The following NALCN variants were observed in gnomAD, a reference collection of about 807,000 sequenced individuals.
NALCN encodes sodium leak channel NALCN.
In NALCN, 111 loss-of-function variants were observed where a neutral mutation model predicts 225.3. That is an observed-to-expected ratio of 0.49 (90% CI 0.42 to 0.58). The LOEUF (loss-of-function observed/expected upper bound fraction) is 0.58. Among genes scored for constraint, NALCN ranks in the 20% least tolerant of loss-of-function variants. The pLI, the probability that NALCN is intolerant of heterozygous loss-of-function variation, is 0.00. For missense variants in NALCN, 1,378 were observed against 2,202.4 expected, an observed-to-expected ratio of 0.63 and a Z score of 7.49; for synonymous variants, 764 against 769.0, an observed-to-expected ratio of 0.99 and a Z score of 0.11.
At chr13:101,397,450 T>C (rs1361801920) in intron 2 of NALCN, among the ~76,000 whole-genome samples, 1 of 150,966 alleles carries the variant, frequency 6.6e-6, no homozygotes, top group South Asian at 2.1e-4. Flanking sequence ...CATGCACATA[T>C]AAATATATGT....
At chr13:101,408,594 G>C (rs928817634) in intron 1 of NALCN, among the ~76,000 whole-genome samples, 52 of 152,192 alleles carry the variant, frequency 3.4e-4, no homozygotes, top group Non-Finnish European at 3.4e-4. Context: ...TGTTGTGGTT[G>C]ATTTTCAATC....
At chr13:101,205,706 T>A (rs2040286027) in intron 13 of NALCN, among the ~76,000 whole-genome samples, 1 of 152,154 alleles carries the variant, frequency 6.6e-6, no homozygotes, top group Admixed American at 6.5e-5. Context: ...AATAAGAGAT[T>A]TTGCTAATGT....
intron 10 of NALCN, among the ~76,000 whole-genome samples, chr13:101,260,376 G>T (rs1400111970): frequency 3.3e-5 from 5 of 152,112 alleles, no homozygotes; most frequent in Non-Finnish European, 7.3e-5. Flanking sequence ...CCTTTCTTTT[G>T]GGTATATGCC....
rs184491577 is a variant in NALCN, at chr13:101,375,611, T to C, written c.644+1089A>G. On this transcript the variant is annotated intron_variant, in intron 6 of 43. Transcript: ENST00000251127. ...TAAAAATATTTTGAAGATGAATGGC[T>C]GCTTGTAATCTCTTTTTGAATTTTA... 1.0e-3 allele frequency among the ~76,000 whole-genome samples: 154 copies of C among 152,354 alleles called. 1 individual carries two copies. The highest frequency in any genetic ancestry group is 1.8e-3 in the Non-Finnish European group (120 of 68,030).
chr13:101,178,422 G>T (rs565629476), intron 14 of NALCN, among the ~76,000 whole-genome samples: 2 of 152,238 alleles, frequency 1.3e-5, no homozygotes, highest in South Asian at 4.1e-4. Flanking sequence ...ATAAGACTTG[G>T]AATTGTAAAT....
chr13:101,264,804 C>T (rs183928879), intron 10 of NALCN, among the ~76,000 whole-genome samples: 1 of 152,252 alleles, frequency 6.6e-6, no homozygotes, highest in Admixed American at 6.5e-5. Flanking sequence ...TGGCTGCCAA[C>T]CTTGTCCCCA....
At chr13:101,214,721 T>C (rs2040663620) in intron 13 of NALCN, among the ~76,000 whole-genome samples, 1 of 152,128 alleles carries the variant, frequency 6.6e-6, no homozygotes, top group Admixed American at 6.6e-5. Flanking sequence ...GTTTTTAATG[T>C]TGTGTCAGAG....
intron 15 of NALCN, among the ~76,000 whole-genome samples, chr13:101,157,456 C>T (rs1016556316): frequency 1.3e-4 from 20 of 152,206 alleles, no homozygotes; most frequent in African/African-American, 3.9e-4. Flanking sequence ...GAATGTCTCA[C>T]CTCTCACTGT....
chr13:101,087,682 C>A, intron 30 of NALCN, among the ~76,000 whole-genome samples: 1 of 152,278 alleles, frequency 6.6e-6, no homozygotes. Context: ...CTCTTTCCTA[C>A]CTGCAGAACA....
rs1423370107 is a variant in NALCN at position 101,242,458 on chromosome 13, TC to T, written c.1267-4537del. ...CACAACTAAATTGCTGGCTCACTCA[TC>T]CCTCCACCCCACACATCTGCAAACT... On this transcript the variant is annotated intron_variant, in intron 11 of 43. Coordinates refer to ENST00000251127, the MANE Select transcript of NALCN (RefSeq NM_052867.4). Among the ~76,000 whole-genome samples the T allele has an allele frequency of 1.9e-5, 2 of 105,492 alleles. 1 individual carries two copies. The highest frequency in any genetic ancestry group is 4.2e-5 in the Non-Finnish European group (2 of 47,342). 69.2% of individuals were successfully genotyped at this position (105,492 alleles called of 152,430 possible). A position where few individuals can be genotyped will look rare whatever the true frequency, so the allele number is the denominator to read the frequency against.
Position 101,225,020 on chromosome 13 carries a change from A to C in NALCN, c.1626+4373T>G, listed in dbSNP as rs559926374. 6.6e-4 allele frequency among the ~76,000 whole-genome samples: 100 copies of C among 152,282 alleles called. No individual in the cohort carries two copies. In the South Asian group the frequency reaches 0.021, roughly 32 times the overall value. On this transcript the variant is annotated intron_variant, in intron 13 of 43. Coordinates refer to ENST00000251127, the MANE Select transcript of NALCN (RefSeq NM_052867.4). ...CAGCTAGTTTACAGCCTCTCCGTCA[A>C]CCAATGCCTCCTGCCTAACTTGCGC...
Position 101,102,157 on chromosome 13 carries a change from C to T in NALCN, c.3057+1015G>A, listed in dbSNP as rs142742988. Among the ~76,000 whole-genome samples the T allele has an allele frequency of 7.9e-4, 120 of 152,028 alleles. 1 individual carries two copies. The highest frequency in any genetic ancestry group is 2.6e-3 in the African/African-American group (109 of 41,466). ...AATTAACTGGGAGTGGTGGCACATG[C>T]GTGTAGTCTCAGCTACTTGGGAGGC... On this transcript the variant is annotated intron_variant, in intron 26 of 43. Transcript: ENST00000251127.
intron 30 of NALCN, among the ~76,000 whole-genome samples, chr13:101,088,464 G>A (rs1358186570): frequency 6.6e-6 from 1 of 152,164 alleles, no homozygotes; most frequent in East Asian, 1.9e-4. Context: ...TTCTACTCAT[G>A]CCTTCGAAGA....
At chr13:101,170,976 AC>A (rs777275021) in intron 15 of NALCN, among the ~76,000 whole-genome samples, 1 of 152,152 alleles carries the variant, frequency 6.6e-6, no homozygotes, top group Non-Finnish European at 1.5e-5. Flanking sequence ...TCATATTCAA[AC>A]CTTGCAAAAC....
At chr13:101,184,577 C>T (rs2039372705) in intron 14 of NALCN, among the ~76,000 whole-genome samples, 1 of 152,160 alleles carries the variant, frequency 6.6e-6, no homozygotes. Flanking sequence ...CAATAAATTA[C>T]TGAAATAGTT....
chr13:101,314,867 A>T (rs1286299120), intron 7 of NALCN, among the ~76,000 whole-genome samples: 3 of 152,110 alleles, frequency 2.0e-5, no homozygotes, highest in Non-Finnish European at 4.4e-5. Flanking sequence ...AAATCTGTTG[A>T]CTTGCCTGTA....
intron 3 of NALCN, among the ~76,000 whole-genome samples, chr13:101,387,577 T>C (rs945691940): frequency 1.3e-5 from 2 of 152,206 alleles, no homozygotes; most frequent in African/African-American, 4.8e-5. Context: ...CAAATTATTC[T>C]GGGTGAAGGG....
chr13:101,386,519 G>A (rs1442889575), intron 3 of NALCN, among the ~76,000 whole-genome samples: 1 of 151,936 alleles, frequency 6.6e-6, no homozygotes, highest in Non-Finnish European at 1.5e-5. Context: ...TTGGGTTTAA[G>A]AATATAACTC....
At chr13:101,387,953 T>C (rs1264433807) in intron 3 of NALCN, among the ~76,000 whole-genome samples, 1 of 152,196 alleles carries the variant, frequency 6.6e-6, no homozygotes, top group Non-Finnish European at 1.5e-5. Flanking sequence ...TAAAGTCTTA[T>C]TAAAAGTTTA....
Sources: gnomAD v4.1 joint callset for allele counts (sites outside exome capture counted in the v4.1 genomes callset) on GRCh38, gnomAD v4.1.1 for gene constraint, MANE v1.5 for transcripts, NCBI Gene and HGNC (gene_info 2026-07-23, HGNC 2026-07-21) for gene names.